Variants in NPHS2 observed in about 807,000 individuals in gnomAD.
NPHS2 encodes the protein NPHS2 stomatin family member, podocin, also known as podocin.
Under a neutral mutation model 37.1 loss-of-function variants are expected in NPHS2, and 36 were observed. The observed-to-expected ratio is 0.97, with a 90% CI of 0.74 to 1.28. The LOEUF (loss-of-function observed/expected upper bound fraction) is 1.28. Ranked by LOEUF, NPHS2 falls within the 50% of genes most tolerant of loss-of-function variation. NPHS2 has a pLI of 0.00. For missense variants in NPHS2, 447 were observed against 488.1 expected (o/e 0.92, Z 0.79); for synonymous variants, 196 against 189.3 (o/e 1.04, Z -0.29).
intron 1 of NPHS2, among the ~76,000 whole-genome samples, chr1:179,565,791 A>C (rs913460719): frequency 7.3e-6 from 1 of 137,814 alleles, no homozygotes; most frequent in Non-Finnish European, 1.5e-5. Context: ...CTCATTGTTC[A>C]TTTCCCATCT....
intron 1 of NPHS2, among the ~76,000 whole-genome samples, chr1:179,571,004 C>T (rs751543669): frequency 3.3e-4 from 50 of 152,124 alleles, no homozygotes; most frequent in Non-Finnish European, 4.0e-4. Context: ...GCGATGGGTT[C>T]GAACATCCTC....
chr1:179,575,247 C>T (rs1391295919), intron 1 of NPHS2, among the ~76,000 whole-genome samples: 1 of 152,182 alleles, frequency 6.6e-6, no homozygotes, highest in Non-Finnish European at 1.5e-5. Context: ...CATGTCTTTA[C>T]TTAAATTAGG....
rs754243843 is a variant in NPHS2, at chr1:179,551,283, T to G, written c.1042A>C (p.Asn348His). ...VVLPLPFDLLNCLSSPSNRTQ... is the reference protein window; with the variant it reads ...VVLPLPFDLLHCLSSPSNRTQ... ...CTGTTGCTGGGAGAAGACAGGCAAT[T>G]CAGTAGGTCAAATGGCAAAGGTAAA... is the stretch of plus-strand genomic sequence containing the variant. The change falls in exon 8 of 8, where the codon AAT becomes CAT. Residue 348 changes from asparagine (N) to histidine (H), a missense_variant. By Grantham distance (68) the Asn-to-His change is moderately conservative. Transcript: ENST00000367615. The G allele has an allele frequency of 6.2e-7, 1 of 1,614,038 alleles. No homozygotes were observed. Among genetic ancestry groups the G allele is most frequent in the South Asian group, 1.1e-5 (1 of 91,062 alleles).
chr1:179,565,008 C>T (rs997288053), intron 1 of NPHS2, among the ~76,000 whole-genome samples: 1 of 151,990 alleles, frequency 6.6e-6, no homozygotes, highest in Non-Finnish European at 1.5e-5. Flanking sequence ...CAGTGGCTCA[C>T]GCCTGTCATC....
rs968872863 is a variant in NPHS2, at chr1:179,550,777, C to T, written c.*396G>A. The T allele has an allele frequency of 3.4e-6, 1 of 290,394 alleles. No individual in the cohort carries two copies. The highest frequency in any genetic ancestry group is 6.7e-6 in the Non-Finnish European group (1 of 149,316). 18.0% of individuals were successfully genotyped at this position (290,394 alleles called of 1,614,324 possible). ...GAAGAGCAATAGAGTGTGACAAGCC[C>T]AATGATAGGTGCTTGTAGGAAGGGC... On this transcript the variant is annotated 3_prime_UTR_variant, in exon 8 of 8. Transcript: ENST00000367615.
chr1:179,553,347 A>T (rs945576299), intron 6 of NPHS2, among the ~76,000 whole-genome samples: 10 of 152,248 alleles, frequency 6.6e-5, no homozygotes, highest in Non-Finnish European at 4.4e-5. Flanking sequence ...CAAAAAGCAG[A>T]AACAACCTAA....
At chr1:179,560,604 G>A (rs1674100392) in intron 3 of NPHS2, among the ~76,000 whole-genome samples, 1 of 151,884 alleles carries the variant, frequency 6.6e-6, no homozygotes, top group Admixed American at 6.6e-5. Flanking sequence ...GTCTCTGTGG[G>A]CGTGTCCTGG....
chr1:179,551,493 C>T (rs766204560), intron 7 of NPHS2, 42 bp from the exon 8 acceptor site: 1 of 1,610,420 alleles, frequency 6.2e-7, no homozygotes, highest in East Asian at 2.2e-5. Flanking sequence ...GTTCTTCATT[C>T]CCTGAAGGCT....
intron 4 of NPHS2, 31 bp downstream of exon 4, chr1:179,559,648 T>C (rs1674061231): frequency 1.4e-6 from 2 of 1,421,172 alleles, no homozygotes; most frequent in Non-Finnish European, 2.0e-6. Context: ...GGAAAATGTA[T>C]AGAGAAAGCA....
At chr1:179,560,776 G>A (rs1674107666) in intron 3 of NPHS2, among the ~76,000 whole-genome samples, 1 of 152,112 alleles carries the variant, frequency 6.6e-6, no homozygotes, top group Admixed American at 6.5e-5. Flanking sequence ...AACTCCACTA[G>A]ATCTTAAGGT....
intron 4 of NPHS2, 43 bp downstream of exon 4, chr1:179,559,636 A>G (rs1674060538): frequency 2.3e-6 from 3 of 1,277,294 alleles, no homozygotes; most frequent in Admixed American, 3.9e-5. Context: ...TAGGTAGACC[A>G]TGGAAAATGT....
rs1295258519 is a variant in NPHS2 at position 179,557,209 on chromosome 1, T to C, written c.556A>G (p.Ile186Val). Reference protein sequence around the residue: ...FHEIVTKDMFIMEIDAICYYR... With the variant: ...FHEIVTKDMFVMEIDAICYYR... ...TAGCAAATGGCATCTATCTCCATTA[T>C]AAACATGTCTTTGGTCACGATCTAG... Residue 186 changes from isoleucine (I) to valine (V), a missense_variant, in exon 5 of 8, where the codon ATA (isoleucine) becomes GTA (valine). Physicochemically the swap from Ile to Val is conservative, Grantham distance 29 (BLOSUM62 3). Transcript: ENST00000367615. The C allele has an allele frequency of 6.2e-7, 1 of 1,613,942 alleles. No homozygotes were observed. The highest frequency in any genetic ancestry group is 8.5e-7 in the Non-Finnish European group (1 of 1,179,946).
chr1:179,559,047 A>G (rs1199371222), intron 4 of NPHS2, among the ~76,000 whole-genome samples: 1 of 152,172 alleles, frequency 6.6e-6, no homozygotes, highest in African/African-American at 2.4e-5. Context: ...AGAGAAAAAA[A>G]TACTGATTTA....
At chr1:179,560,706 C>A (rs1674104188) in intron 3 of NPHS2, among the ~76,000 whole-genome samples, 1 of 152,090 alleles carries the variant, frequency 6.6e-6, no homozygotes, top group African/African-American at 2.4e-5. Context: ...CACTACTAAA[C>A]CTTTCAGACT....
intron 1 of NPHS2, among the ~76,000 whole-genome samples, chr1:179,569,428 A>G (rs746023269): frequency 1.9e-4 from 29 of 152,176 alleles, no homozygotes; most frequent in African/African-American, 5.3e-4. Flanking sequence ...TTTTGAGCCT[A>G]TGTGAATCTT....
intron 5 of NPHS2, among the ~76,000 whole-genome samples, chr1:179,555,146 CTG>C (rs1408514248): frequency 6.6e-6 from 1 of 152,216 alleles, no homozygotes; most frequent in East Asian, 1.9e-4. Flanking sequence ...ATTTTGGACT[CTG>C]TGGTCTTCGA....
chr1:179,562,389 C>T (rs1018155087), intron 2 of NPHS2, among the ~76,000 whole-genome samples: 9 of 152,048 alleles, frequency 5.9e-5, no homozygotes, highest in Admixed American at 3.3e-4. Context: ...CTTGATGATA[C>T]GGAATTAATC....
chr1:179,562,303 A>C (rs981059717), intron 2 of NPHS2, among the ~76,000 whole-genome samples: 4 of 152,214 alleles, frequency 2.6e-5, no homozygotes, highest in African/African-American at 9.6e-5. Flanking sequence ...ATCTGAGTTC[A>C]ATTGCGTGTT....
chr1:179,575,480 A>C (rs1352530065), intron 1 of NPHS2, 111 bp downstream of exon 1: 14 of 1,449,364 alleles, frequency 9.7e-6, no homozygotes, highest in Non-Finnish European at 1.1e-5. Flanking sequence ...CTGAGCATCC[A>C]GCAATCTGCT....
Sources: allele counts gnomAD v4.1 joint callset (sites outside exome capture counted in the v4.1 genomes callset), GRCh38; gene constraint gnomAD v4.1.1; transcripts MANE v1.5; gene names NCBI Gene and HGNC (gene_info 2026-07-23, HGNC 2026-07-21).